COA1: variants seen among roughly 807,000 people sequenced by gnomAD.
COA1 encodes the protein cytochrome c oxidase assembly factor 1 homolog.
COA1 carries 13 observed loss-of-function variants against 16.0 expected under a neutral mutation model. The ratio of observed to expected loss-of-function variants is 0.81; its 90% CI spans 0.53 to 1.29. The LOEUF (loss-of-function observed/expected upper bound fraction) is 1.29, where lower values mean the gene tolerates loss of function less well. Among genes scored for constraint, COA1 ranks in the 50% most tolerant of loss-of-function variants. The probability of loss-of-function intolerance (pLI) is 0.00; values close to 1 mark genes in which losing one functional copy is unlikely to be tolerated. For synonymous variants in COA1, 65 were observed against 65.7 expected, an observed-to-expected ratio of 0.99 and a Z score of 0.05; for missense variants, 179 against 177.0, an observed-to-expected ratio of 1.01 and a Z score of -0.06.
intron 1 of COA1, among the ~76,000 whole-genome samples, chr7:43,682,097 A>T (rs1292171299): frequency 1.3e-5 from 2 of 152,200 alleles, no homozygotes; most frequent in Non-Finnish European, 2.9e-5. Flanking sequence ...AATATGAACG[A>T]AATAGTGCAA....
In COA1 at chr7:43,713,689, G is replaced by A. The variant is rs373304190; in HGVS notation, c.-39+15740C>T. Among the ~76,000 whole-genome samples the A allele has an allele frequency of 6.6e-5, 10 of 152,200 alleles. No homozygotes were observed. In the South Asian group the frequency reaches 2.1e-3, roughly 32 times the overall value. On this transcript the variant is annotated intron_variant, in intron 1 of 5. Coordinates refer to ENST00000223336, the MANE Select transcript of COA1 (RefSeq NM_018224.4). ...TTAATTCCCACCACCCACCTTTGAT[G>A]CTGGATGCTTTCCTCAAATAACTGG...
chr7:43,626,787 T>C (rs1349751894), intron 6 of COA1: 1 of 152,242 alleles, frequency 6.6e-6, no homozygotes, highest in Non-Finnish European at 1.5e-5. Context: ...TTTAATATAA[T>C]TGCTGTATTT....
At chr7:43,617,364 T>C (rs2083449184) in intron 6 of COA1, among the ~76,000 whole-genome samples, 1 of 152,248 alleles carries the variant, frequency 6.6e-6, no homozygotes, top group Non-Finnish European at 1.5e-5. Context: ...AAGAGGCCAT[T>C]GCAATAGAGC....
At chr7:43,639,095 G>T (rs1459039169), downstream of COA1, 1 of 152,234 alleles carries the variant, frequency 6.6e-6, no homozygotes, top group African/African-American at 2.4e-5. Context: ...TTAACAACAT[G>T]AATTCAAGGT....
chr7:43,623,877 T>C (rs535467337), intron 6 of COA1: 2 of 1,542,730 alleles, frequency 1.3e-6, no homozygotes, highest in African/African-American at 1.4e-5. Context: ...CACTTTTAGT[T>C]AAGAAACCTG....
At chr7:43,624,957 A>G in intron 6 of COA1, 2 of 955,384 alleles carry the variant, frequency 2.1e-6, no homozygotes, top group East Asian at 5.6e-5. Flanking sequence ...TCACTTACAC[A>G]AACAAAAATA....
intron 1 of COA1, chr7:43,657,181 T>G (rs1264744021): frequency 6.6e-6 from 1 of 152,270 alleles, no homozygotes; most frequent in African/African-American, 2.4e-5. Context: ...GTAGCACCCA[T>G]CCCATAAAGC....
At chr7:43,684,372 A>G (rs938222493) in intron 1 of COA1, among the ~76,000 whole-genome samples, 1 of 152,170 alleles carries the variant, frequency 6.6e-6, no homozygotes, top group African/African-American at 2.4e-5. Context: ...GGTCCTACAT[A>G]TAGCCTTTCT....
chr7:43,685,062 TCA>T (rs1392506905), intron 1 of COA1, among the ~76,000 whole-genome samples: 1 of 149,856 alleles, frequency 6.7e-6, no homozygotes, highest in Non-Finnish European at 1.5e-5. Context: ...GGCAGAAGGA[TCA>T]CTTGAGCCCA....
intron 5 of COA1, among the ~76,000 whole-genome samples, chr7:43,640,300 T>C (rs2086720947): frequency 6.6e-6 from 1 of 152,212 alleles, no homozygotes. Context: ...TAGCATCAAA[T>C]TATGATAGAC....
intron 1 of COA1, among the ~76,000 whole-genome samples, chr7:43,691,069 A>AAC (rs1554541657): frequency 7.3e-6 from 1 of 136,066 alleles, no homozygotes; most frequent in Non-Finnish European, 1.5e-5. Context: ...AAAAAAAAAA[A>AAC]AAAAAAAACA....
At chr7:43,695,896 A>C (rs1317741822) in intron 1 of COA1, among the ~76,000 whole-genome samples, 1 of 152,214 alleles carries the variant, frequency 6.6e-6, no homozygotes, top group African/African-American at 2.4e-5. Flanking sequence ...CTCCCTTACA[A>C]ATACGAAAGG....
chr7:43,719,898 G>A (rs906111553), intron 1 of COA1, among the ~76,000 whole-genome samples: 1 of 152,174 alleles, frequency 6.6e-6, no homozygotes, highest in African/African-American at 2.4e-5. Context: ...GACTATAACA[G>A]AAAGAAGAGA....
Position 43,691,362 on chromosome 7 carries a change from AGGGAGGGAGGG to A in COA1, c.-39+38056_-39+38066del, listed in dbSNP as rs1563383714. Among the ~76,000 whole-genome samples the A allele has an allele frequency of 1.8e-4, 12 of 66,120 alleles. 1 individual carries two copies. The South Asian group carries it at 2.0e-3, about 11-fold the overall frequency. The allele number at this position is 66,120 out of a possible 152,430, so 43.4% of individuals were successfully genotyped here. ...GAGAGAGGGAGGGAGGGAGGGAGGG[AGGGAGGGAGGG>A]AGGGAGGAAGGAAGGAAGGAAGGAA... is the stretch of plus-strand genomic sequence containing the variant. On this transcript the variant is annotated intron_variant, in intron 1 of 5. Coordinates refer to ENST00000223336, the MANE Select transcript of COA1 (RefSeq NM_018224.4).
intron 1 of COA1, among the ~76,000 whole-genome samples, chr7:43,722,809 C>T (rs2095537169): frequency 6.7e-6 from 1 of 149,586 alleles, no homozygotes; most frequent in South Asian, 2.1e-4. Context: ...TGCTAGATCA[C>T]TTATGAATGC....
At chr7:43,638,876 C>T (rs1159114793), downstream of COA1, 1 of 152,234 alleles carries the variant, frequency 6.6e-6, no homozygotes, top group African/African-American at 2.4e-5. Context: ...CACACCCAGC[C>T]AGATGCTGTT....
intron 1 of COA1, among the ~76,000 whole-genome samples, chr7:43,656,346 G>C (rs1455943317): frequency 6.6e-6 from 1 of 152,168 alleles, no homozygotes; most frequent in Non-Finnish European, 1.5e-5. Context: ...AAAAATAGAA[G>C]ACTTGGAACA....
intron 1 of COA1, among the ~76,000 whole-genome samples, chr7:43,696,330 A>G (rs937466351): frequency 6.6e-5 from 10 of 152,202 alleles, no homozygotes; most frequent in African/African-American, 2.4e-4. Context: ...ACCGCCCCCA[A>G]TGATTCAATT....
intron 6 of COA1, chr7:43,624,411 C>A: frequency 2.6e-6 from 3 of 1,153,300 alleles, no homozygotes; most frequent in Non-Finnish European, 3.5e-6. Context: ...AGATTTTTGC[C>A]AACTTGTCAG....
Sources: allele counts gnomAD v4.1 joint callset (sites outside exome capture counted in the v4.1 genomes callset), GRCh38; gene constraint gnomAD v4.1.1; transcripts MANE v1.5; gene names NCBI Gene and HGNC (gene_info 2026-07-23, HGNC 2026-07-21).